SHANK2: variants seen among roughly 807,000 people sequenced by gnomAD.
SHANK2 encodes the protein SH3 and multiple ankyrin repeat domains 2, also known as SH3 and multiple ankyrin repeat domains protein 2.
In SHANK2, 43 loss-of-function variants were observed where a neutral mutation model predicts 133.7. The observed-to-expected ratio is 0.32, with a 90% CI of 0.25 to 0.41. The LOEUF is 0.41. SHANK2 is among the 10% of genes least tolerant of loss of function. The pLI is 1.00. For missense variants in SHANK2, 1,994 were observed against 2,235.8 expected (o/e 0.89, Z 2.18); for synonymous variants, 1,017 against 952.8 (o/e 1.07, Z -1.24).
chr11:70,916,651 A>G (rs916069236), intron 10 of SHANK2, among the ~76,000 whole-genome samples: 4 of 152,046 alleles, frequency 2.6e-5, no homozygotes, highest in Non-Finnish European at 5.9e-5. Context: ...AATGGCAAGA[A>G]GCCCCCTCGC....
intron 14 of SHANK2, among the ~76,000 whole-genome samples, chr11:70,781,487 G>A (rs1555045116): frequency 1.4e-5 from 2 of 142,662 alleles, no homozygotes; most frequent in Admixed American, 7.4e-5. Context: ...CAAAGCTGCA[G>A]GGCAGAGTTT....
chr11:71,078,062 A>G (rs945269760), intron 8 of SHANK2, among the ~76,000 whole-genome samples: 3 of 151,556 alleles, frequency 2.0e-5, no homozygotes, highest in Non-Finnish European at 4.4e-5. Context: ...TCTAAATACC[A>G]CTCCACACTA....
At chr11:71,086,397 A>C (rs1380174385) in intron 8 of SHANK2, among the ~76,000 whole-genome samples, 64 of 131,364 alleles carry the variant, frequency 4.9e-4, no homozygotes, top group African/African-American at 1.7e-3. Flanking sequence ...ATGATATATG[A>C]TATATTATTT....
At chr11:70,697,780 C>G (rs1490462078) in intron 15 of SHANK2, among the ~76,000 whole-genome samples, 1 of 152,114 alleles carries the variant, frequency 6.6e-6, no homozygotes, top group African/African-American at 2.4e-5. Context: ...GCTTCCGGAC[C>G]CTCCCACCTC....
intron 16 of SHANK2, among the ~76,000 whole-genome samples, chr11:70,660,367 G>A (rs1267465695): frequency 6.6e-5 from 10 of 152,198 alleles, no homozygotes; most frequent in African/African-American, 4.8e-5. Flanking sequence ...ACGTAGACTC[G>A]CAACCAAGGG....
intron 14 of SHANK2, among the ~76,000 whole-genome samples, chr11:70,746,791 C>T (rs1183527609): frequency 1.4e-5 from 2 of 138,068 alleles, no homozygotes; most frequent in Non-Finnish European, 3.1e-5. Flanking sequence ...CACCTCAGCT[C>T]CTCTATGCCC....
chr11:70,862,813 C>A (rs967262974), intron 11 of SHANK2: 4 of 275,794 alleles, frequency 1.5e-5, no homozygotes, highest in South Asian at 9.8e-5. Flanking sequence ...GGGATTCCCC[C>A]ACGGGAGTAG....
chr11:71,063,150 G>A (rs1292004075), intron 9 of SHANK2, among the ~76,000 whole-genome samples: 1 of 152,102 alleles, frequency 6.6e-6, no homozygotes, highest in Non-Finnish European at 1.5e-5. Context: ...TATTATAAAG[G>A]ACATGTACTT....
Position 70,772,194 on chromosome 11 carries a change from CT to C in SHANK2, c.1777+26248del, listed in dbSNP as rs1947264645. Among the ~76,000 whole-genome samples the C allele has an allele frequency of 3.9e-5, 6 of 152,106 alleles. No individual in the cohort carries two copies. In the South Asian group the frequency reaches 1.2e-3, roughly 32 times the overall value. The stretch of plus-strand genomic sequence containing the variant: ...GTGCCTCACGCCTGAAATCCTAGCA[CT>C]TTGGGAGGCTGAGGCAGGTGGATCA... On this transcript the variant is annotated intron_variant, in intron 14 of 25. Transcript: ENST00000601538.
intron 17 of SHANK2, among the ~76,000 whole-genome samples, chr11:70,526,166 G>GTGGAT (rs1236341628): frequency 2.0e-5 from 3 of 152,132 alleles, no homozygotes; most frequent in Non-Finnish European, 4.4e-5. Context: ...TAAGAATAAG[G>GTGGAT]TGGATTCTGG....
In SHANK2 at chr11:70,784,343, G is replaced by GTTTTTTTTTTTTTT. The variant is rs71049942; in HGVS notation, c.1777+14086_1777+14099dup. Reference sequence around the variant, plus strand: ...AGGGCGTGCGCCACCACACCGGCTAGTTTTTTTTTTTTTTTTTTTTTTTTT... The same window carrying GTTTTTTTTTTTTTT: ...AGGGCGTGCGCCACCACACCGGCTAGTTTTTTTTTTTTTTTTTTTTTTTTTTTTTTTTTTTTTTT... On this transcript the variant is annotated intron_variant, in intron 14 of 25. Coordinates refer to ENST00000601538, the MANE Select transcript of SHANK2 (RefSeq NM_012309.5). 9.3e-5 allele frequency among the ~76,000 whole-genome samples: 4 copies of GTTTTTTTTTTTTTT among 42,858 alleles called. 1 individual carries two copies. The highest frequency in any genetic ancestry group is 3.2e-4 in the African/African-American group (4 of 12,596). 28.1% of individuals were successfully genotyped at this position (42,858 alleles called of 152,430 possible).
chr11:70,521,413 C>A (rs2059328580), intron 17 of SHANK2, among the ~76,000 whole-genome samples: 1 of 152,154 alleles, frequency 6.6e-6, no homozygotes, highest in African/African-American at 2.4e-5. Context: ...CAGTTATGTT[C>A]ATTTCTATTA....
chr11:71,162,867 T>G (rs1322469312), intron 2 of SHANK2, among the ~76,000 whole-genome samples: 1 of 151,466 alleles, frequency 6.6e-6, no homozygotes, highest in African/African-American at 2.4e-5. Flanking sequence ...GGTCAGGAGA[T>G]CAAGATCATC....
At chr11:70,725,520 G>A (rs1418616745) in intron 14 of SHANK2, among the ~76,000 whole-genome samples, 2 of 152,192 alleles carry the variant, frequency 1.3e-5, no homozygotes, top group African/African-American at 4.8e-5. Flanking sequence ...AGGCTAATGA[G>A]GTCAGAGCAA....
chr11:71,195,960 T>C (rs956208064), intron 2 of SHANK2, among the ~76,000 whole-genome samples: 3 of 152,128 alleles, frequency 2.0e-5, no homozygotes, highest in Non-Finnish European at 4.4e-5. Context: ...GGCAGGAGGA[T>C]GGCTTGGGCC....
intron 17 of SHANK2, among the ~76,000 whole-genome samples, chr11:70,556,834 C>T (rs530067460): frequency 6.6e-5 from 10 of 152,136 alleles, no homozygotes; most frequent in South Asian, 2.1e-4. Flanking sequence ...TCAAGTGATC[C>T]GCCCGCCTTG....
chr11:70,704,449 C>T (rs961351496), intron 14 of SHANK2, among the ~76,000 whole-genome samples: 12 of 152,296 alleles, frequency 7.9e-5, no homozygotes, highest in Non-Finnish European at 4.4e-5. Flanking sequence ...GGCCAAGCAG[C>T]CCACCCGGCA....
At chr11:70,646,053 G>A (rs2061255752) in intron 17 of SHANK2, 1 of 152,276 alleles carries the variant, frequency 6.6e-6, no homozygotes, top group Admixed American at 6.5e-5. Flanking sequence ...AGTGGCAGAG[G>A]TCATTATTGA....
At chr11:70,917,399 C>T (rs1258374632) in intron 10 of SHANK2, among the ~76,000 whole-genome samples, 6 of 152,136 alleles carry the variant, frequency 3.9e-5, no homozygotes, top group Non-Finnish European at 7.3e-5. Flanking sequence ...CTCTTTTACA[C>T]CGTTGGTGGG....
Sources: allele counts gnomAD v4.1 joint callset (sites outside exome capture counted in the v4.1 genomes callset), GRCh38; gene constraint gnomAD v4.1.1; transcripts MANE v1.5; gene names NCBI Gene and HGNC (gene_info 2026-07-23, HGNC 2026-07-21).